The following SLX4IP variants were observed in gnomAD, a reference collection of about 807,000 sequenced individuals.
The protein encoded by SLX4IP is protein SLX4IP.
SLX4IP carries 34 observed loss-of-function variants against 32.9 expected under a neutral mutation model. The observed-to-expected ratio is 1.03, with a 90% CI of 0.79 to 1.38. The LOEUF is 1.38. Among genes scored for constraint, SLX4IP ranks in the 40% most tolerant of loss-of-function variants. The pLI is 0.00. For missense variants in SLX4IP, 444 were observed against 479.0 expected, an observed-to-expected ratio of 0.93 and a Z score of 0.68; for synonymous variants, 172 against 171.7, an observed-to-expected ratio of 1.00 and a Z score of -0.01.
At chr20:10,569,069 T>C (rs946111308) in intron 4 of SLX4IP, among the ~76,000 whole-genome samples, 2 of 152,198 alleles carry the variant, frequency 1.3e-5, no homozygotes, top group East Asian at 3.8e-4. Context: ...GGGTCCTTAC[T>C]TGAGGACTGC....
At chr20:10,602,704 G>C (rs1317135793) in intron 6 of SLX4IP, among the ~76,000 whole-genome samples, 4 of 151,864 alleles carry the variant, frequency 2.6e-5, no homozygotes, top group African/African-American at 9.7e-5. Context: ...ATAATTTATG[G>C]GAATATTAGA....
At chr20:10,583,023 A>C (rs1053675766) in intron 4 of SLX4IP, among the ~76,000 whole-genome samples, 1 of 152,156 alleles carries the variant, frequency 6.6e-6, no homozygotes, top group South Asian at 2.1e-4. Context: ...TTCATTTTTT[A>C]AAACATCAGA....
At chr20:10,468,064 T>G (rs2122357720) in intron 2 of SLX4IP, among the ~76,000 whole-genome samples, 1 of 152,306 alleles carries the variant, frequency 6.6e-6, no homozygotes, top group South Asian at 2.1e-4. Context: ...CTGCCTACAT[T>G]GATCCCTAAA....
rs566261676 is a variant in SLX4IP at position 10,566,872 on chromosome 20, T to C, written c.238+6052T>C. On this transcript the variant is annotated intron_variant, in intron 4 of 7. Coordinates refer to ENST00000334534, the MANE Select transcript of SLX4IP (RefSeq NM_001009608.3). ...GTGGATGATGTGGCTGGCAGAAACATGGCAGACATACAGGGCACATCCAAA... is the reference window on the plus strand; with the variant it reads ...GTGGATGATGTGGCTGGCAGAAACACGGCAGACATACAGGGCACATCCAAA... 1.4e-4 allele frequency among the ~76,000 whole-genome samples: 21 copies of C among 152,290 alleles called. No homozygotes were observed. The South Asian group carries it at 4.3e-3, about 32-fold the overall frequency.
chr20:10,485,638 T>C (rs1325263710), intron 2 of SLX4IP, among the ~76,000 whole-genome samples: 1 of 151,502 alleles, frequency 6.6e-6, no homozygotes, highest in Non-Finnish European at 1.5e-5. Flanking sequence ...AAAAAATCAC[T>C]GATAACTTTT....
chr20:10,439,146 C>T (rs2065140486), intron 1 of SLX4IP, among the ~76,000 whole-genome samples: 2 of 152,078 alleles, frequency 1.3e-5, no homozygotes, highest in Non-Finnish European at 2.9e-5. Context: ...TTGGTTTGTT[C>T]TTATTTTTAC....
At chr20:10,536,165 C>G (rs1233761977) in intron 2 of SLX4IP, among the ~76,000 whole-genome samples, 1 of 152,168 alleles carries the variant, frequency 6.6e-6, no homozygotes, top group Non-Finnish European at 1.5e-5. Context: ...CTTTAACACA[C>G]CTTCTTGTTT....
intron 6 of SLX4IP, among the ~76,000 whole-genome samples, chr20:10,606,506 T>G (rs1183364809): frequency 6.6e-6 from 1 of 152,210 alleles, no homozygotes; most frequent in East Asian, 1.9e-4. Context: ...TAGTGGTGAA[T>G]TGCGTGGAAG....
intron 2 of SLX4IP, among the ~76,000 whole-genome samples, chr20:10,481,405 C>G (rs2065520066): frequency 6.6e-6 from 1 of 152,172 alleles, no homozygotes; most frequent in Admixed American, 6.5e-5. Flanking sequence ...AAGTTGTCTT[C>G]TTCAGGGATC....
intron 4 of SLX4IP, among the ~76,000 whole-genome samples, chr20:10,586,469 A>G (rs995059119): frequency 6.6e-6 from 1 of 152,218 alleles, no homozygotes; most frequent in African/African-American, 2.4e-5. Flanking sequence ...CTGAAGCTCC[A>G]TTCAAAATTA....
chr20:10,522,309 C>G (rs2065906647), intron 2 of SLX4IP, among the ~76,000 whole-genome samples: 1 of 152,140 alleles, frequency 6.6e-6, no homozygotes, highest in Admixed American at 6.5e-5. Flanking sequence ...TAAAGCCCTC[C>G]TAACACTCTC....
chr20:10,489,207 G>C (rs563445269), intron 2 of SLX4IP, among the ~76,000 whole-genome samples: 1 of 152,124 alleles, frequency 6.6e-6, no homozygotes, highest in Non-Finnish European at 1.5e-5. Flanking sequence ...TCTGTATGGG[G>C]TCATTCTTCT....
intron 5 of SLX4IP, among the ~76,000 whole-genome samples, chr20:10,601,420 G>A (rs2066840104): frequency 6.6e-6 from 1 of 152,112 alleles, no homozygotes; most frequent in South Asian, 2.1e-4. Flanking sequence ...TTCTAAATAG[G>A]AGTTCTAATC....
In SLX4IP at chr20:10,444,318, C is replaced by G. The variant is rs531225739; in HGVS notation, c.-30+8865C>G. Among the ~76,000 whole-genome samples, 3 of 143,684 alleles carry G rather than the reference C, an allele frequency of 2.1e-5. No homozygotes were observed. In the Admixed American group the frequency reaches 2.1e-4, roughly 10 times the overall value. The allele number at this position is 143,684 out of a possible 152,430, so 94.3% of individuals were successfully genotyped here. On this transcript the variant is annotated intron_variant, in intron 1 of 7. Coordinates refer to ENST00000334534, the MANE Select transcript of SLX4IP (RefSeq NM_001009608.3). ...CAATAGGAATTTATTGCTCACAGTT[C>G]TGGAGAATGGGACGTTTAAGATCAA...
intron 1 of SLX4IP, among the ~76,000 whole-genome samples, chr20:10,438,502 A>T (rs542359051): frequency 1.6e-5 from 2 of 126,208 alleles, no homozygotes; most frequent in Non-Finnish European, 3.2e-5. Flanking sequence ...TTTTGAGATG[A>T]AGTCTCCCTC....
At chr20:10,457,015 G>A (rs2065290498) in intron 1 of SLX4IP, among the ~76,000 whole-genome samples, 2 of 151,820 alleles carry the variant, frequency 1.3e-5, no homozygotes, top group African/African-American at 4.8e-5. Flanking sequence ...TTTATTTTAG[G>A]ACTATTCATT....
intron 2 of SLX4IP, among the ~76,000 whole-genome samples, chr20:10,554,207 A>G (rs1028156485): frequency 6.6e-6 from 1 of 152,212 alleles, no homozygotes; most frequent in African/African-American, 2.4e-5. Context: ...AGATGGAACC[A>G]TACAGTATAT....
rs879700978 is a variant in SLX4IP at position 10,482,858 on chromosome 20, C to T, written c.27+24627C>T. ...GGAAACTTAAAACAGGTGAATTTTA[C>T]GACATAAAATTGTACCTTAATAAAC... On this transcript the variant is annotated intron_variant, in intron 2 of 7. Transcript: ENST00000334534. 5.9e-5 allele frequency among the ~76,000 whole-genome samples: 9 copies of T among 152,072 alleles called. No individual in the cohort carries two copies. In the South Asian group the frequency reaches 6.2e-4, roughly 11 times the overall value.
intron 2 of SLX4IP, among the ~76,000 whole-genome samples, chr20:10,554,141 T>G (rs2066245521): frequency 6.6e-6 from 1 of 152,238 alleles, no homozygotes; most frequent in Non-Finnish European, 1.5e-5. Context: ...CCCTGGGAAA[T>G]TACTGTTTTG....
Sources: gnomAD v4.1 joint callset for allele counts (sites outside exome capture counted in the v4.1 genomes callset) on GRCh38, gnomAD v4.1.1 for gene constraint, MANE v1.5 for transcripts, NCBI Gene and HGNC (gene_info 2026-07-23, HGNC 2026-07-21) for gene names.